Variants in KIAA0825 observed in about 807,000 individuals in gnomAD.
KIAA0825 encodes the protein KIAA0825.
Under a neutral mutation model 147.6 loss-of-function variants are expected in KIAA0825, and 119 were observed. The ratio of observed to expected loss-of-function variants is 0.81; its 90% CI spans 0.69 to 0.94. The LOEUF is 0.94. Among genes scored for constraint, KIAA0825 ranks in the 40% least tolerant of loss-of-function variants. The pLI is 0.00. For missense variants in KIAA0825, 1,381 were observed against 1,472.7 expected, an observed-to-expected ratio of 0.94 and a Z score of 1.02; for synonymous variants, 470 against 518.1, an observed-to-expected ratio of 0.91 and a Z score of 1.26.
At chr5:94,597,257 C>G (rs923817267) in intron 1 of KIAA0825, among the ~76,000 whole-genome samples, 7 of 151,760 alleles carry the variant, frequency 4.6e-5, no homozygotes, top group African/African-American at 1.5e-4. Context: ...CAAAATAGAC[C>G]ATGTACCTAG....
intron 20 of KIAA0825, among the ~76,000 whole-genome samples, chr5:94,262,599 T>TA (rs1055853689): frequency 2.0e-5 from 3 of 152,154 alleles, no homozygotes; most frequent in Middle Eastern, 3.2e-3. Flanking sequence ...AGGAAGTGGT[T>TA]AAAAAAGAGT....
rs191763487 is a variant in KIAA0825 at position 94,516,260 on chromosome 5, C to A, written c.970+3988G>T. 1.9e-3 allele frequency among the ~76,000 whole-genome samples: 293 copies of A among 152,296 alleles called. 1 individual carries two copies. The highest frequency in any genetic ancestry group is 6.8e-3 in the African/African-American group (283 of 41,566). Reference sequence around the variant, plus strand: ...CTGAATTAGTGGCAGACAGAATGCACTGTGGGGTGCCCAGGTGAATACAAT... The same window carrying A: ...CTGAATTAGTGGCAGACAGAATGCAATGTGGGGTGCCCAGGTGAATACAAT... On this transcript the variant is annotated intron_variant, in intron 5 of 20. Coordinates refer to ENST00000682413, the MANE Select transcript of KIAA0825 (RefSeq NM_001145678.3).
At chr5:94,588,292 A>G (rs1344367314) in intron 1 of KIAA0825, among the ~76,000 whole-genome samples, 1 of 152,228 alleles carries the variant, frequency 6.6e-6, no homozygotes, top group East Asian at 1.9e-4. Flanking sequence ...CAATCTACTC[A>G]TCTGACAAAG....
intron 20 of KIAA0825, among the ~76,000 whole-genome samples, chr5:94,328,196 AT>A (rs1404741558): frequency 6.6e-6 from 1 of 152,198 alleles, no homozygotes; most frequent in Non-Finnish European, 1.5e-5. Flanking sequence ...ATTTAAAGGC[AT>A]TTTTATGTTT....
In KIAA0825 at chr5:94,187,411, T is replaced by TG. The variant is rs532284385; in HGVS notation, c.3711-33288_3711-33287insC. Among the ~76,000 whole-genome samples the TG allele has an allele frequency of 1.0e-4, 15 of 149,460 alleles. No homozygotes were observed. In the South Asian group the frequency reaches 2.5e-3, roughly 25 times the overall value. Reference sequence around the variant, plus strand: ...AATCTGAGAGAAAGGAGTTTTTTTTTTTTTTTTTTTTTAATTTTTTTTTGT... The same window carrying TG: ...AATCTGAGAGAAAGGAGTTTTTTTTTGTTTTTTTTTTTTAATTTTTTTTTGT... On this transcript the variant is annotated intron_variant, in intron 20 of 20. Coordinates refer to ENST00000682413, the MANE Select transcript of KIAA0825 (RefSeq NM_001145678.3).
chr5:94,603,995 C>T (rs1787014939), intron 1 of KIAA0825, among the ~76,000 whole-genome samples: 1 of 152,136 alleles, frequency 6.6e-6, no homozygotes, highest in Non-Finnish European at 1.5e-5. Context: ...TTTAATACCC[C>T]ATTGACAATG....
At position 94,299,279 on chromosome 5, in the gene KIAA0825, T is replaced by C. The variant is rs1268853236; in HGVS notation, c.3710+85089A>G. On this transcript the variant is annotated intron_variant, in intron 20 of 20. Coordinates refer to ENST00000682413, the MANE Select transcript of KIAA0825 (RefSeq NM_001145678.3). The stretch of plus-strand genomic sequence containing the variant: ...TCACCCAGGCTGGAGTTCACTAGCA[T>C]GATCAGGGCACACAGCAGCCTCAAA... 2.0e-5 allele frequency among the ~76,000 whole-genome samples: 3 copies of C among 152,168 alleles called. No individual in the cohort carries two copies. In the East Asian group the frequency reaches 5.8e-4, roughly 29 times the overall value.
At chr5:94,565,179 T>G (rs144311205) in intron 2 of KIAA0825, among the ~76,000 whole-genome samples, 1,727 of 143,770 alleles carry the variant, frequency 0.012, 45 homozygotes, top group African/African-American at 0.043. Flanking sequence ...GGGAACCTCC[T>G]GCTTTGGCAT....
chr5:94,597,339 T>C (rs933464961), intron 1 of KIAA0825, among the ~76,000 whole-genome samples: 146 of 152,200 alleles, frequency 9.6e-4, no homozygotes, highest in African/African-American at 3.3e-3. Context: ...CACAACTGAA[T>C]TAAATTAGAA....
intron 20 of KIAA0825, among the ~76,000 whole-genome samples, chr5:94,293,258 AT>A (rs1300861375): frequency 6.6e-6 from 1 of 152,142 alleles, no homozygotes; most frequent in Non-Finnish European, 1.5e-5. Flanking sequence ...AGTGCTATCA[AT>A]TTCCCTCTAA....
chr5:94,584,264 C>T (rs1032700369), intron 1 of KIAA0825, among the ~76,000 whole-genome samples: 1 of 152,118 alleles, frequency 6.6e-6, no homozygotes, highest in Non-Finnish European at 1.5e-5. Flanking sequence ...CATGTTCTAA[C>T]CCATCGCAAG....
intron 20 of KIAA0825, among the ~76,000 whole-genome samples, chr5:94,194,465 C>T (rs905989926): frequency 7.9e-5 from 12 of 152,100 alleles, no homozygotes; most frequent in Admixed American, 7.2e-4. Flanking sequence ...GAATACCTGC[C>T]CCCTTCTCCA....
At chr5:94,580,358 A>G (rs150546232) in intron 2 of KIAA0825, among the ~76,000 whole-genome samples, 2 of 152,330 alleles carry the variant, frequency 1.3e-5, no homozygotes, top group East Asian at 3.9e-4. Flanking sequence ...GTGATCAAAA[A>G]AACAACTGTG....
intron 20 of KIAA0825, among the ~76,000 whole-genome samples, chr5:94,180,079 T>G (rs1769467609): frequency 6.6e-6 from 1 of 151,932 alleles, no homozygotes; most frequent in African/African-American, 2.4e-5. Flanking sequence ...TACTTAGTAA[T>G]TATAAAAGAA....
chr5:94,254,112 T>C (rs756794203), intron 20 of KIAA0825, among the ~76,000 whole-genome samples: 3 of 152,290 alleles, frequency 2.0e-5, no homozygotes, highest in South Asian at 2.1e-4. Flanking sequence ...TACAGGCCTA[T>C]TGGGGACAGC....
At chr5:94,394,478 C>T (rs576042203) in intron 17 of KIAA0825, among the ~76,000 whole-genome samples, 2 of 152,126 alleles carry the variant, frequency 1.3e-5, no homozygotes, top group South Asian at 2.1e-4. Flanking sequence ...GACAACTCCC[C>T]GTATAGGAGA....
chr5:94,370,213 C>T (rs1746483592), intron 20 of KIAA0825, among the ~76,000 whole-genome samples: 1 of 151,818 alleles, frequency 6.6e-6, no homozygotes, highest in Non-Finnish European at 1.5e-5. Context: ...CTATAGCATT[C>T]TTGAAAGGAC....
At chr5:94,277,210 G>C (rs1777262801) in intron 20 of KIAA0825, among the ~76,000 whole-genome samples, 1 of 152,190 alleles carries the variant, frequency 6.6e-6, no homozygotes, top group East Asian at 1.9e-4. Context: ...TACTGAATGA[G>C]ATAATAAGGT....
At chr5:94,357,808 T>C (rs1744491626) in intron 20 of KIAA0825, among the ~76,000 whole-genome samples, 1 of 152,186 alleles carries the variant, frequency 6.6e-6, no homozygotes, top group Non-Finnish European at 1.5e-5. Context: ...AACCTCAATA[T>C]GTCATTTTCT....
Sources: allele counts gnomAD v4.1 joint callset (sites outside exome capture counted in the v4.1 genomes callset), GRCh38; gene constraint gnomAD v4.1.1; transcripts MANE v1.5; gene names NCBI Gene and HGNC (gene_info 2026-07-23, HGNC 2026-07-21).